Variants in ZNF410 observed in about 807,000 individuals in gnomAD.
ZNF410 encodes zinc finger protein 410, also known as another partner for ARF 1.
ZNF410 carries 18 observed loss-of-function variants against 54.8 expected under a neutral mutation model. That is an observed-to-expected ratio of 0.33 (90% confidence interval 0.23 to 0.49). The LOEUF is 0.49. ZNF410 is among the 20% of genes least tolerant of loss of function. The probability of loss-of-function intolerance (pLI) is 0.99; values close to 1 mark genes in which losing one functional copy is unlikely to be tolerated. For synonymous variants in ZNF410, 191 were observed against 207.3 expected (o/e 0.92, Z 0.68); for missense variants, 405 against 569.6 (o/e 0.71, Z 2.94).
At chr14:73,908,183 TCTC>T (rs940126878) in intron 7 of ZNF410, among the ~76,000 whole-genome samples, 1 of 152,130 alleles carries the variant, frequency 6.6e-6, no homozygotes, top group Non-Finnish European at 1.5e-5. Context: ...ACCTCTTCCT[TCTC>T]CTGTGTCCGT....
At chr14:73,909,195 T>G in intron 7 of ZNF410, 146 bp from the exon 8 acceptor site, 1 of 656,828 alleles carries the variant, frequency 1.5e-6, no homozygotes. Flanking sequence ...CAACACTTGC[T>G]AGGTAGCCCA....
rs777016361 is a variant in ZNF410 at position 73,893,829 on chromosome 14, C to T, written c.66C>T (p.Ile22=). The T allele has an allele frequency of 4.3e-6, 7 of 1,613,460 alleles. No homozygotes were observed. The Admixed American group carries it at 1.0e-4, about 23-fold the overall frequency. The part of the protein sequence containing the change: ...LLVQFVQNTS[I]PLGQGLVESE... Reference sequence around the variant, plus strand: ...TACAGTTTGTTCAGAATACGTCCATCCCATTGGGACAGGGGCTTGTAGAAT... The same window carrying T: ...TACAGTTTGTTCAGAATACGTCCATTCCATTGGGACAGGGGCTTGTAGAAT... The change falls in exon 3 of 12, where the codon ATC becomes ATT. Residue 22 remains isoleucine (I), a synonymous_variant. Transcript: ENST00000555044.
At chr14:73,910,191 T>A (rs2055555954) in intron 8 of ZNF410, among the ~76,000 whole-genome samples, 1 of 152,246 alleles carries the variant, frequency 6.6e-6, no homozygotes, top group South Asian at 2.1e-4. Context: ...TTGTGGAGCC[T>A]ACTGGAGGTA....
At position 73,893,863 on chromosome 14, in the gene ZNF410, A is replaced by G; in HGVS notation, c.100A>G (p.Lys34Glu). 3 of 1,614,140 alleles carry G rather than the reference A, an allele frequency of 1.9e-6. No homozygotes were observed. The highest frequency in any genetic ancestry group is 2.5e-6 in the Non-Finnish European group (3 of 1,180,000). Residue 34 changes from lysine (K) to glutamate (E), a missense_variant, in exon 3 of 12, where the codon AAA becomes GAA. Transcript: ENST00000555044. ...ACAGGGGCTTGTAGAATCAGAAGCT[A>G]AAGATATTACTTGCTTGTCCCTCCT... is the stretch of plus-strand genomic sequence containing the variant. ...LGQGLVESEAKDITCLSLLPV... is the reference protein window; with the variant it reads ...LGQGLVESEAEDITCLSLLPV...
chr14:73,921,314 C>T (rs923611098), intron 9 of ZNF410: 5 of 479,058 alleles, frequency 1.0e-5, no homozygotes, highest in Non-Finnish European at 1.1e-5. Flanking sequence ...GTTGCTTGTC[C>T]GCCCACCAAT....
chr14:73,909,137 A>G (rs2140310430), intron 7 of ZNF410, among the ~76,000 whole-genome samples: 1 of 152,338 alleles, frequency 6.6e-6, no homozygotes, highest in African/African-American at 2.4e-5. Context: ...TTCCAAGGAA[A>G]AGGGCAAGGC....
At position 73,931,778 on chromosome 14, in the gene ZNF410, A is replaced by AC. The variant is rs1314146837; in HGVS notation, c.*239dup. ...GACTGTGGGCTGGGAAACTGTACCT[A>AC]CCTCTCTTCCCACTGCAAATTTCTG... On this transcript the variant is annotated 3_prime_UTR_variant, in exon 12 of 12. Transcript: ENST00000555044. 1.7e-5 allele frequency: 9 copies of AC among 527,388 alleles called. No individual in the cohort carries two copies. Among genetic ancestry groups the AC allele is most frequent in the Non-Finnish European group, 3.1e-5 (9 of 288,720 alleles). 32.7% of individuals were successfully genotyped at this position (527,388 alleles called of 1,614,324 possible). A position where few individuals can be genotyped will look rare whatever the true frequency, so the allele number is the denominator to read the frequency against.
intron 11 of ZNF410, among the ~76,000 whole-genome samples, chr14:73,928,204 G>C (rs990439411): frequency 1.3e-5 from 2 of 152,204 alleles, no homozygotes; most frequent in Non-Finnish European, 2.9e-5. Flanking sequence ...ATGTTTTAGA[G>C]TTTAAGTTGA....
intron 8 of ZNF410, among the ~76,000 whole-genome samples, chr14:73,911,058 T>G (rs17782269): frequency 0.11 from 17,160 of 152,140 alleles, 1,263 homozygotes; most frequent in Admixed American, 0.19. Flanking sequence ...TAGAATTTGT[T>G]GATTGAACCA....
intron 1 of ZNF410, among the ~76,000 whole-genome samples, chr14:73,889,802 T>G (rs866812143): frequency 4.2e-5 from 4 of 94,320 alleles, no homozygotes; most frequent in South Asian, 9.4e-4. Flanking sequence ...TTAGTTTTTT[T>G]TTTTTTTTTC....
intron 8 of ZNF410, 23 bp from the exon 9 acceptor site, chr14:73,920,957 G>C (rs748224408): frequency 1.2e-6 from 2 of 1,613,340 alleles, no homozygotes; most frequent in East Asian, 4.5e-5. Context: ...TGGCTTCCTT[G>C]TTTAACCTGG....
chr14:73,894,735 C>T (rs1043056377), intron 3 of ZNF410, among the ~76,000 whole-genome samples: 4 of 152,126 alleles, frequency 2.6e-5, no homozygotes, highest in African/African-American at 9.7e-5. Flanking sequence ...CCTATCAATA[C>T]ATACTTTCTA....
chr14:73,892,117 G>A lies in ZNF410; in HGVS notation c.-59G>A, dbSNP rs1441313195. ...TGAACATAACAGGAAGGTATCATTGGCTCTGAATTAAATTTGAACTTGTCC... is the reference window on the plus strand; with the variant it reads ...TGAACATAACAGGAAGGTATCATTGACTCTGAATTAAATTTGAACTTGTCC... On this transcript the variant is annotated 5_prime_UTR_variant, in exon 2 of 12. It introduces an in-frame stop codon into an upstream open reading frame of the 5' UTR. Coordinates refer to ENST00000555044, the MANE Select transcript of ZNF410 (RefSeq NM_021188.3). 6.4e-7 allele frequency: 1 copy of A among 1,556,832 alleles called. No individual in the cohort carries two copies. Among genetic ancestry groups the A allele is most frequent in the African/African-American group, 1.4e-5 (1 of 73,680 alleles).
chr14:73,929,043 A>C (rs563485575), intron 11 of ZNF410, among the ~76,000 whole-genome samples: 110 of 152,330 alleles, frequency 7.2e-4, no homozygotes, highest in African/African-American at 2.5e-3. Context: ...TTAACAACAC[A>C]AAAGGGAAAG....
intron 7 of ZNF410, among the ~76,000 whole-genome samples, chr14:73,907,200 G>T (rs922895407): frequency 1.3e-5 from 2 of 152,150 alleles, no homozygotes; most frequent in Non-Finnish European, 2.9e-5. Context: ...ATTCTGATAT[G>T]ACCCCAAAGC....
At chr14:73,920,711 C>T in intron 8 of ZNF410, 1 of 382,628 alleles carries the variant, frequency 2.6e-6, no homozygotes, top group Non-Finnish European at 4.9e-6. Flanking sequence ...TGCCATGGTC[C>T]TATACCAAAG....
intron 1 of ZNF410, 97 bp from the exon 2 acceptor site, chr14:73,891,930 T>G: frequency 1.6e-6 from 1 of 616,078 alleles, no homozygotes; most frequent in South Asian, 1.8e-5. Flanking sequence ...TGCTTGCTTG[T>G]TGTGATTTTT....
rs1335913103 is a variant in ZNF410 at position 73,932,498 on chromosome 14, AAC to A, written c.*959_*960del. The A allele has an allele frequency of 2.2e-6, 1 of 452,720 alleles. No homozygotes were observed. The highest frequency in any genetic ancestry group is 2.0e-5 in the African/African-American group (1 of 49,924). The allele number at this position is 452,720 out of a possible 1,614,324, so 28.0% of individuals were successfully genotyped here. A position where few individuals can be genotyped will look rare whatever the true frequency, so the allele number is the denominator to read the frequency against. ...ACGCATCTGAGAAAATGGCAATAAA[AAC>A]AGATACTTCTGAATTTTTCCACAAA... On this transcript the variant is annotated 3_prime_UTR_variant, in exon 12 of 12. Coordinates refer to ENST00000555044, the MANE Select transcript of ZNF410 (RefSeq NM_021188.3).
intron 3 of ZNF410, chr14:73,894,558 C>G: frequency 1.6e-6 from 1 of 624,206 alleles, no homozygotes; most frequent in Non-Finnish European, 2.9e-6. Context: ...TCCTAAGTAG[C>G]TGGGATTACA....
Sources: allele counts gnomAD v4.1 joint callset (sites outside exome capture counted in the v4.1 genomes callset), GRCh38; gene constraint gnomAD v4.1.1; transcripts MANE v1.5; gene names NCBI Gene and HGNC (gene_info 2026-07-23, HGNC 2026-07-21).